GABRG3: variants seen among roughly 807,000 people sequenced by gnomAD.
The protein encoded by GABRG3 is gamma-aminobutyric acid type A receptor subunit gamma3.
GABRG3 carries 25 observed loss-of-function variants against 48.8 expected under a neutral mutation model. That is an observed-to-expected ratio of 0.51 (90% CI 0.37 to 0.72). The LOEUF is 0.72. Among genes scored for constraint, GABRG3 ranks in the 30% least tolerant of loss-of-function variants. The pLI is 0.00. For synonymous variants in GABRG3, 227 were observed against 217.6 expected (o/e 1.04, Z -0.38); for missense variants, 394 against 577.9 (o/e 0.68, Z 3.26).
intron 3 of GABRG3, among the ~76,000 whole-genome samples, chr15:27,305,582 A>C (rs1245424212): frequency 7.0e-6 from 1 of 143,732 alleles, no homozygotes. Flanking sequence ...ATATATAAAC[A>C]TATATATAAT....
intron 3 of GABRG3, among the ~76,000 whole-genome samples, chr15:27,087,065 G>A (rs560650754): frequency 1.3e-5 from 2 of 152,348 alleles, no homozygotes; most frequent in Admixed American, 6.5e-5. Context: ...CAGGTTGCAC[G>A]GGGCCAGCCC....
At chr15:27,439,676 G>A (rs1364345347) in intron 5 of GABRG3, among the ~76,000 whole-genome samples, 1 of 152,114 alleles carries the variant, frequency 6.6e-6, no homozygotes, top group African/African-American at 2.4e-5. Flanking sequence ...CTGTTTCCAC[G>A]TGGTCTTGCT....
chr15:27,117,439 C>T (rs915583778), intron 3 of GABRG3, among the ~76,000 whole-genome samples: 6 of 152,108 alleles, frequency 3.9e-5, no homozygotes, highest in Admixed American at 3.9e-4. Context: ...ATTATCCCAG[C>T]CTTCTCCCAA....
chr15:27,094,997 T>C (rs1290395748), intron 3 of GABRG3, among the ~76,000 whole-genome samples: 1 of 152,286 alleles, frequency 6.6e-6, no homozygotes, highest in East Asian at 1.9e-4. Context: ...TTCTTTTCTT[T>C]ACAGCTGTAC....
At chr15:27,531,354 G>A (rs569220044) in intron 9 of GABRG3, among the ~76,000 whole-genome samples, 2 of 152,330 alleles carry the variant, frequency 1.3e-5, no homozygotes, top group African/African-American at 4.8e-5. Flanking sequence ...CCATGACTAT[G>A]AGCATGTCCA....
Position 27,532,886 on chromosome 15 carries a change from T to C in GABRG3, c.*5T>C. ...GTTGGATACCTGTATCTCTAAGTGT[T>C]GCTCAGAGTGAAGAGTGAAGAGCAT... On this transcript the variant is annotated 3_prime_UTR_variant, in exon 10 of 10. Transcript: ENST00000615808. The C allele has an allele frequency of 1.2e-6, 2 of 1,612,696 alleles. No homozygotes were observed. The highest frequency in any genetic ancestry group is 1.7e-6 in the Non-Finnish European group (2 of 1,179,278).
At chr15:27,042,787 G>T (rs1426127724) in intron 3 of GABRG3, among the ~76,000 whole-genome samples, 1 of 152,190 alleles carries the variant, frequency 6.6e-6, no homozygotes, top group Non-Finnish European at 1.5e-5. Context: ...TCACCGTCGG[G>T]TCTGACAGCC....
chr15:27,000,365 C>T (rs948151581), intron 2 of GABRG3, among the ~76,000 whole-genome samples: 1 of 152,130 alleles, frequency 6.6e-6, no homozygotes, highest in Admixed American at 6.5e-5. Flanking sequence ...GAGAAGTGTT[C>T]TGGCAGACTC....
intron 3 of GABRG3, among the ~76,000 whole-genome samples, chr15:27,158,917 A>G (rs1426698772): frequency 6.6e-6 from 1 of 152,080 alleles, no homozygotes; most frequent in South Asian, 2.1e-4. Flanking sequence ...CTTTAAAGCC[A>G]TCATATTCCT....
At chr15:27,374,138 CTTTTTTTT>C (rs201839822) in intron 5 of GABRG3, among the ~76,000 whole-genome samples, 6 of 91,670 alleles carry the variant, frequency 6.5e-5, no homozygotes, top group Non-Finnish European at 8.7e-5. Context: ...TTCTTTTCTT[CTTTTTTTT>C]TTTTTTTTTT....
chr15:27,101,230 T>C lies in GABRG3; in HGVS notation c.270+74409T>C, dbSNP rs75529725. Among the ~76,000 whole-genome samples, 42 of 152,274 alleles carry C rather than the reference T, an allele frequency of 2.8e-4. 1 individual carries two copies. In the East Asian group the frequency reaches 8.1e-3, roughly 29 times the overall value. On this transcript the variant is annotated intron_variant, in intron 3 of 9. Coordinates refer to ENST00000615808, the MANE Select transcript of GABRG3 (RefSeq NM_033223.5). Reference sequence around the variant, plus strand: ...ACAGTTGCTTCAAAAAATGAAATACTTAGGTATAAATCTAACAAACAGGTA... The same window carrying C: ...ACAGTTGCTTCAAAAAATGAAATACCTAGGTATAAATCTAACAAACAGGTA...
intron 3 of GABRG3, among the ~76,000 whole-genome samples, chr15:27,256,277 T>TA (rs1890612763): frequency 6.6e-6 from 1 of 151,546 alleles, no homozygotes; most frequent in Non-Finnish European, 1.5e-5. Flanking sequence ...CCGTCTCTAC[T>TA]AAAAATACAA....
At chr15:27,442,982 C>G (rs183994528) in intron 5 of GABRG3, among the ~76,000 whole-genome samples, 24 of 152,292 alleles carry the variant, frequency 1.6e-4, no homozygotes, top group Middle Eastern at 3.4e-3. Context: ...GAGCTTGGCC[C>G]TCCCCAAATA....
chr15:27,303,798 TTG>T lies in GABRG3; in HGVS notation c.271-22995_271-22994del, dbSNP rs535260016. Among the ~76,000 whole-genome samples the T allele has an allele frequency of 2.5e-3, 380 of 149,850 alleles. 1 individual carries two copies. Among genetic ancestry groups the T allele is most frequent in the African/African-American group, 6.6e-3 (269 of 40,978 alleles). ...CATCTATGTATATACATATATCTAT[TTG>T]TGTGTGTGTGTGTGTATATATGTAT... On this transcript the variant is annotated intron_variant, in intron 3 of 9. Coordinates refer to ENST00000615808, the MANE Select transcript of GABRG3 (RefSeq NM_033223.5).
intron 3 of GABRG3, among the ~76,000 whole-genome samples, chr15:27,195,305 CT>C (rs1888460127): frequency 6.6e-6 from 1 of 152,048 alleles, no homozygotes; most frequent in Non-Finnish European, 1.5e-5. Flanking sequence ...AATTTGTTTT[CT>C]CTTTCTCTCC....
At position 27,186,253 on chromosome 15, in the gene GABRG3, A is replaced by G. The variant is rs146474704; in HGVS notation, c.271-140556A>G. Among the ~76,000 whole-genome samples, 107 of 152,304 alleles carry G rather than the reference A, an allele frequency of 7.0e-4. 1 individual carries two copies. In the East Asian group the frequency reaches 0.021, roughly 29 times the overall value. The stretch of plus-strand genomic sequence containing the variant: ...TGCGTCCTCTTACTTATATGTAAGA[A>G]CATGTGGTATTTGGTTTTCTGTTTC... On this transcript the variant is annotated intron_variant, in intron 3 of 9. Transcript: ENST00000615808.
intron 6 of GABRG3, among the ~76,000 whole-genome samples, chr15:27,519,699 C>T (rs1390721776): frequency 6.6e-6 from 1 of 152,094 alleles, no homozygotes. Context: ...CATGGCCTGT[C>T]GTGGAAGAGA....
intron 3 of GABRG3, among the ~76,000 whole-genome samples, chr15:27,323,248 A>G (rs1893492989): frequency 6.6e-6 from 1 of 152,202 alleles, no homozygotes; most frequent in African/African-American, 2.4e-5. Flanking sequence ...AAATTCTTCA[A>G]GTTTTCTGAG....
Position 27,436,975 on chromosome 15 carries a change from G to GACAAAGTA in GABRG3, c.575-43674_575-43673insCAAAGTAA, listed in dbSNP as rs1888631629. On this transcript the variant is annotated intron_variant, in intron 5 of 9. Coordinates refer to ENST00000615808, the MANE Select transcript of GABRG3 (RefSeq NM_033223.5). Reference sequence around the variant, plus strand: ...AATGCCACTGCACTCCAGCCTGGGTGAGACTCCTTCTCCGAAAAATAGAGA... The same window carrying GACAAAGTA: ...AATGCCACTGCACTCCAGCCTGGGTGACAAAGTAAGACTCCTTCTCCGAAAAATAGAGA... Among the ~76,000 whole-genome samples, 4 of 146,804 alleles carry GACAAAGTA rather than the reference G, an allele frequency of 2.7e-5. No homozygotes were observed. The South Asian group carries it at 6.7e-4, about 24-fold the overall frequency.
Sources: allele counts gnomAD v4.1 joint callset (sites outside exome capture counted in the v4.1 genomes callset), GRCh38; gene constraint gnomAD v4.1.1; transcripts MANE v1.5; gene names NCBI Gene and HGNC (gene_info 2026-07-23, HGNC 2026-07-21).